Variants in PPP2R2B observed in about 807,000 individuals in gnomAD.
The protein encoded by PPP2R2B is serine/threonine-protein phosphatase 2A 55 kDa regulatory subunit B beta isoform.
PPP2R2B carries 5 observed loss-of-function variants against 46.0 expected under a neutral mutation model. That is an observed-to-expected ratio of 0.11 (90% confidence interval 0.06 to 0.23). The LOEUF is 0.23. PPP2R2B is among the 10% of genes least tolerant of loss of function. The pLI, the probability that PPP2R2B is intolerant of heterozygous loss-of-function variation, is 1.00. For missense variants in PPP2R2B, 367 were observed against 575.0 expected, an observed-to-expected ratio of 0.64 and a Z score of 3.70; for synonymous variants, 215 against 206.7, an observed-to-expected ratio of 1.04 and a Z score of -0.34.
chr5:146,799,805 G>C (rs2151303939), intron 2 of PPP2R2B, among the ~76,000 whole-genome samples: 1 of 152,308 alleles, frequency 6.6e-6, no homozygotes, highest in East Asian at 1.9e-4. Flanking sequence ...AAGCCAGGAG[G>C]CCCTGGAGAT....
At chr5:146,912,557 A>C (rs1286828652) in intron 1 of PPP2R2B, among the ~76,000 whole-genome samples, 1 of 148,672 alleles carries the variant, frequency 6.7e-6, no homozygotes, top group Admixed American at 6.8e-5. Flanking sequence ...TCTGTCGCCC[A>C]GGCTGGAGTG....
chr5:146,645,341 G>A (rs141196787), intron 6 of PPP2R2B, among the ~76,000 whole-genome samples: 75 of 152,126 alleles, frequency 4.9e-4, no homozygotes, highest in Non-Finnish European at 9.3e-4. Context: ...GGACTCCAAG[G>A]GATATTCCTC....
chr5:146,961,265 T>G (rs1752160805), intron 1 of PPP2R2B, among the ~76,000 whole-genome samples: 1 of 152,224 alleles, frequency 6.6e-6, no homozygotes. Flanking sequence ...AAGGCTATGA[T>G]GAACACCAAT....
At position 146,590,089 on chromosome 5, in the gene PPP2R2B, C is replaced by T. The variant is rs778233469; in HGVS notation, c.1190G>A (p.Gly397Asp). Reference protein sequence around the residue: ...ILKPRKVCVGGKRRKDEISVD... With the variant: ...ILKPRKVCVGDKRRKDEISVD... The stretch of plus-strand genomic sequence containing the variant: ...ACTGATCTCGTCTTTTCTCCGCTTG[C>T]CCCCCACACACACTTTTCGGGGTTT... The change falls in exon 10 of 10, where the codon GGC (glycine) becomes GAC (aspartate). Residue 397 changes from glycine (G) to aspartate (D), a missense_variant. This residue lies in a region of PPP2R2B where 361 missense variants were observed against 545.5 expected (regional missense o/e 0.66). Transcript: ENST00000394411. 8.1e-6 allele frequency: 13 copies of T among 1,614,064 alleles called. No individual in the cohort carries two copies. The highest frequency in any genetic ancestry group is 1.1e-5 in the Non-Finnish European group (13 of 1,180,018).
At chr5:146,686,362 G>A (rs933858267) in intron 5 of PPP2R2B, among the ~76,000 whole-genome samples, 3 of 152,174 alleles carry the variant, frequency 2.0e-5, no homozygotes, top group African/African-American at 7.2e-5. Context: ...ATGTGGGTGT[G>A]CTCTTTTCCA....
chr5:146,897,817 AAC>A (rs1491389185), intron 1 of PPP2R2B, among the ~76,000 whole-genome samples: 1 of 152,212 alleles, frequency 6.6e-6, no homozygotes, highest in Non-Finnish European at 1.5e-5. Context: ...AGAAAAAAAA[AAC>A]ATGGAATTAA....
intron 5 of PPP2R2B, among the ~76,000 whole-genome samples, chr5:146,687,278 C>A (rs1778568024): frequency 6.6e-6 from 1 of 152,138 alleles, no homozygotes; most frequent in African/African-American, 2.4e-5. Context: ...CTGGGTAAGT[C>A]ATTTTCCCTC....
intron 2 of PPP2R2B, among the ~76,000 whole-genome samples, chr5:146,783,159 A>G (rs960472462): frequency 2.0e-5 from 3 of 152,210 alleles, no homozygotes; most frequent in African/African-American, 7.2e-5. Context: ...ACTACTGAAA[A>G]TCACATGATA....
chr5:146,817,443 T>C (rs923091083), intron 2 of PPP2R2B, among the ~76,000 whole-genome samples: 15 of 151,858 alleles, frequency 9.9e-5, no homozygotes, highest in African/African-American at 3.2e-4. Context: ...TTTGCATATA[T>C]TTATAGTGTA....
chr5:146,702,841 C>T lies in PPP2R2B; in HGVS notation c.71-1699G>A, dbSNP rs534411566. ...TAACTAGAAATCTAGTTCATTTTCT[C>T]GAGAAGACTCCAGTGAATACTACCT... On this transcript the variant is annotated intron_variant, in intron 2 of 9. Coordinates refer to ENST00000394411, the MANE Select transcript of PPP2R2B (RefSeq NM_181675.4). 5.3e-5 allele frequency among the ~76,000 whole-genome samples: 8 copies of T among 152,214 alleles called. No individual in the cohort carries two copies. The East Asian group carries it at 7.7e-4, about 15-fold the overall frequency.
chr5:147,060,378 G>A (rs1757220827), upstream of PPP2R2B, among the ~76,000 whole-genome samples: 1 of 152,202 alleles, frequency 6.6e-6, no homozygotes, highest in South Asian at 2.1e-4. Context: ...TCTAATCCTA[G>A]CATTCTGGGA....
intron 1 of PPP2R2B, among the ~76,000 whole-genome samples, chr5:146,971,572 T>G (rs1429971895): frequency 2.0e-5 from 3 of 152,222 alleles, no homozygotes; most frequent in Non-Finnish European, 4.4e-5. Context: ...TCTTGTATAT[T>G]TTGCACATAC....
intron 2 of PPP2R2B, among the ~76,000 whole-genome samples, chr5:146,825,329 C>T (rs879844978): frequency 2.6e-5 from 4 of 152,188 alleles, no homozygotes; most frequent in Non-Finnish European, 2.9e-5. Context: ...GTGCAGTGGC[C>T]CACACTTCCA....
chr5:146,678,125 T>C (rs527861330), intron 5 of PPP2R2B, among the ~76,000 whole-genome samples: 115 of 152,244 alleles, frequency 7.6e-4, no homozygotes, highest in Non-Finnish European at 1.4e-3. Flanking sequence ...TAAGAGAACA[T>C]TGATGCAAAA....
chr5:146,776,235 C>T (rs1755173244), intron 2 of PPP2R2B, among the ~76,000 whole-genome samples: 1 of 152,026 alleles, frequency 6.6e-6, no homozygotes, highest in Admixed American at 6.5e-5. Context: ...CTCACATTTC[C>T]TAATTTCAAA....
chr5:146,655,271 A>G (rs1355138796), intron 5 of PPP2R2B, among the ~76,000 whole-genome samples: 2 of 152,246 alleles, frequency 1.3e-5, no homozygotes, highest in East Asian at 1.9e-4. Flanking sequence ...CCAAAAGAGC[A>G]GCCTGAATCT....
intron 7 of PPP2R2B, among the ~76,000 whole-genome samples, chr5:146,635,448 A>C (rs987802088): frequency 6.6e-6 from 1 of 151,922 alleles, no homozygotes; most frequent in African/African-American, 2.4e-5. Context: ...CCCTTTTTCT[A>C]TCTTGTGTTC....
intron 2 of PPP2R2B, among the ~76,000 whole-genome samples, chr5:146,776,175 A>G (rs1755169806): frequency 6.6e-6 from 1 of 152,162 alleles, no homozygotes; most frequent in Non-Finnish European, 1.5e-5. Flanking sequence ...TCAGAGGACC[A>G]AGAATACAAG....
intron 2 of PPP2R2B, among the ~76,000 whole-genome samples, chr5:146,776,509 C>T (rs114506469): frequency 6.6e-6 from 1 of 152,144 alleles, no homozygotes; most frequent in Non-Finnish European, 1.5e-5. Context: ...TCAAAATAAA[C>T]TACAAACTTC....
Sources: gnomAD v4.1 joint callset for allele counts (sites outside exome capture counted in the v4.1 genomes callset) on GRCh38, gnomAD v4.1.1 for gene constraint, gnomAD v4.1.1 regional missense constraint, MANE v1.5 for transcripts, NCBI Gene and HGNC (gene_info 2026-07-23, HGNC 2026-07-21) for gene names.